NLGN1: variants seen among roughly 807,000 people sequenced by gnomAD.
NLGN1 encodes the protein neuroligin-1.
NLGN1 carries 12 observed loss-of-function variants against 65.5 expected under a neutral mutation model. The ratio of observed to expected loss-of-function variants is 0.18; its 90% CI spans 0.12 to 0.30. The LOEUF (loss-of-function observed/expected upper bound fraction) is 0.30. Ranked by LOEUF, NLGN1 falls within the 10% of genes least tolerant of loss-of-function variation. The probability of loss-of-function intolerance (pLI) is 1.00; values close to 1 mark genes in which losing one functional copy is unlikely to be tolerated. For missense variants in NLGN1, 750 were observed against 1,007.1 expected (o/e 0.74, Z 3.46); for synonymous variants, 350 against 359.5 (o/e 0.97, Z 0.30).
chr3:173,809,356 G>C (rs1425844650), intron 4 of NLGN1, among the ~76,000 whole-genome samples: 1 of 151,992 alleles, frequency 6.6e-6, no homozygotes, highest in Non-Finnish European at 1.5e-5. Context: ...TTGGAAGGAG[G>C]GTTTTTAATA....
In NLGN1 at chr3:173,408,291, G is replaced by A. The variant is rs566366751; in HGVS notation, c.-390+9804G>A. On this transcript the variant is annotated intron_variant, in intron 1 of 6. Coordinates refer to ENST00000457714, the Ensembl canonical transcript of NLGN1. ...TGATTGCAAGACAGAATGCCTATTT[G>A]CTTAAGGGAGAGAGAATCTAGTTGG... 2.6e-5 allele frequency among the ~76,000 whole-genome samples: 4 copies of A among 152,186 alleles called. No homozygotes were observed. In the South Asian group the frequency reaches 6.2e-4, roughly 24 times the overall value.
At chr3:174,041,007 T>A (rs942506777) in intron 4 of NLGN1, among the ~76,000 whole-genome samples, 1 of 152,138 alleles carries the variant, frequency 6.6e-6, no homozygotes, top group Non-Finnish European at 1.5e-5. Context: ...AATATACATA[T>A]ATATGTGTAT....
chr3:173,884,155 A>C (rs1733894459), intron 4 of NLGN1, among the ~76,000 whole-genome samples: 1 of 152,106 alleles, frequency 6.6e-6, no homozygotes, highest in Non-Finnish European at 1.5e-5. Flanking sequence ...ATGTCTTACT[A>C]ACTTACATTG....
intron 4 of NLGN1, among the ~76,000 whole-genome samples, chr3:173,859,911 T>C (rs1728732951): frequency 1.3e-5 from 2 of 152,070 alleles, no homozygotes; most frequent in Admixed American, 1.3e-4. Flanking sequence ...TCTAGTACGC[T>C]TTCATTTTAT....
At chr3:173,516,321 C>G (rs895374316) in intron 2 of NLGN1, among the ~76,000 whole-genome samples, 1 of 152,004 alleles carries the variant, frequency 6.6e-6, no homozygotes, top group African/African-American at 2.4e-5. Flanking sequence ...ATCCATACAA[C>G]TCTCTTGAGT....
chr3:174,235,325 C>G (rs1741517115), intron 4 of NLGN1, among the ~76,000 whole-genome samples: 1 of 152,044 alleles, frequency 6.6e-6, no homozygotes, highest in Non-Finnish European at 1.5e-5. Context: ...TGAACTTTTC[C>G]TCTTGGCTAA....
intron 1 of NLGN1, among the ~76,000 whole-genome samples, chr3:173,404,288 T>C (rs890378381): frequency 6.6e-6 from 1 of 152,140 alleles, no homozygotes; most frequent in African/African-American, 2.4e-5. Context: ...GATATCTCTC[T>C]CTGTTTCAAA....
At chr3:174,210,718 C>G (rs749906583) in intron 4 of NLGN1, among the ~76,000 whole-genome samples, 11 of 152,204 alleles carry the variant, frequency 7.2e-5, no homozygotes, top group Non-Finnish European at 1.3e-4. Flanking sequence ...AGCTTTATAT[C>G]AAGTAGCAGT....
chr3:174,106,470 GAATT>G (rs1305913953), intron 4 of NLGN1, among the ~76,000 whole-genome samples: 1 of 151,920 alleles, frequency 6.6e-6, no homozygotes, highest in Non-Finnish European at 1.5e-5. Flanking sequence ...ATGGTTTTAA[GAATT>G]AATTGTGTTC....
At chr3:173,697,999 T>C (rs1456016321) in intron 3 of NLGN1, among the ~76,000 whole-genome samples, 1 of 150,282 alleles carries the variant, frequency 6.7e-6, no homozygotes, top group East Asian at 2.0e-4. Context: ...TGGTAACCAG[T>C]GGCCTAAACG....
chr3:173,478,727 C>T (rs758307555), intron 2 of NLGN1, among the ~76,000 whole-genome samples: 1 of 151,724 alleles, frequency 6.6e-6, no homozygotes, highest in Admixed American at 6.6e-5. Context: ...TCGAGACCAG[C>T]CTGGCCAACA....
At chr3:173,625,665 T>C (rs1031087420) in intron 3 of NLGN1, among the ~76,000 whole-genome samples, 1 of 152,124 alleles carries the variant, frequency 6.6e-6, no homozygotes, top group African/African-American at 2.4e-5. Flanking sequence ...GATATATTAT[T>C]TACTGATGAA....
intron 2 of NLGN1, among the ~76,000 whole-genome samples, chr3:173,586,703 G>T (rs573007508): frequency 6.6e-6 from 1 of 152,316 alleles, no homozygotes; most frequent in Admixed American, 6.5e-5. Flanking sequence ...GGCGATATCT[G>T]AGAAGCTAGG....
chr3:173,771,701 T>A (rs1026295515), intron 3 of NLGN1, among the ~76,000 whole-genome samples: 2 of 37,890 alleles, frequency 5.3e-5, no homozygotes, highest in African/African-American at 1.4e-4. Flanking sequence ...TATTAAAACA[T>A]GTAATGGTAA....
At chr3:174,050,113 A>T (rs886629159) in intron 4 of NLGN1, among the ~76,000 whole-genome samples, 1 of 152,184 alleles carries the variant, frequency 6.6e-6, no homozygotes, top group Admixed American at 6.6e-5. Flanking sequence ...GTAGATGTAC[A>T]TTCTGAATTT....
intron 3 of NLGN1, among the ~76,000 whole-genome samples, chr3:173,613,445 G>A (rs535372511): frequency 2.6e-5 from 4 of 152,064 alleles, no homozygotes; most frequent in Non-Finnish European, 5.9e-5. Context: ...TATCAAGATA[G>A]GATACGATGC....
intron 4 of NLGN1, among the ~76,000 whole-genome samples, chr3:174,265,336 C>T (rs962682012): frequency 2.0e-5 from 3 of 152,008 alleles, no homozygotes; most frequent in Non-Finnish European, 4.4e-5. Context: ...AGTGAGACTC[C>T]GTGGGCGTAG....
At chr3:173,697,570 C>T (rs1376942733) in intron 3 of NLGN1, among the ~76,000 whole-genome samples, 1 of 151,984 alleles carries the variant, frequency 6.6e-6, no homozygotes, top group Admixed American at 6.6e-5. Context: ...TCTTGTTGCC[C>T]AGGCTGGAGT....
chr3:174,115,407 G>T (rs1716176855), intron 4 of NLGN1, among the ~76,000 whole-genome samples: 1 of 152,064 alleles, frequency 6.6e-6, no homozygotes, highest in Non-Finnish European at 1.5e-5. Context: ...TGTTATTTAG[G>T]TTCTATCCCT....
Sources: gnomAD v4.1 joint callset for allele counts (sites outside exome capture counted in the v4.1 genomes callset) on GRCh38, gnomAD v4.1.1 for gene constraint, MANE v1.5 for transcripts, NCBI Gene and HGNC (gene_info 2026-07-23, HGNC 2026-07-21) for gene names.